The following FSTL5 variants were observed in gnomAD, a reference collection of about 807,000 sequenced individuals.
FSTL5 encodes follistatin like 5, also known as follistatin-related protein 5.
In FSTL5, 62 loss-of-function variants were observed where a neutral mutation model predicts 89.1. The observed-to-expected ratio is 0.70, with a 90% CI of 0.57 to 0.86. The LOEUF is 0.86. Among genes scored for constraint, FSTL5 ranks in the 40% least tolerant of loss-of-function variants. The probability of loss-of-function intolerance (pLI) is 0.00; values close to 1 mark genes in which losing one functional copy is unlikely to be tolerated. For synonymous variants in FSTL5, 383 were observed against 346.2 expected (o/e 1.11, Z -1.18); for missense variants, 1,057 against 1,001.6 (o/e 1.06, Z -0.75).
intron 3 of FSTL5, among the ~76,000 whole-genome samples, chr4:161,984,875 A>G (rs1279689840): frequency 2.0e-5 from 3 of 152,120 alleles, no homozygotes; most frequent in Non-Finnish European, 4.4e-5. Flanking sequence ...CCTAGTCAGA[A>G]CCACTAAATC....
In FSTL5 at chr4:161,542,561, G is replaced by T; in HGVS notation, c.1148C>A (p.Pro383Gln). Residue 383 changes from proline (P) to glutamine (Q), a missense_variant, in exon 9 of 16, where the codon CCA becomes CAA. By Grantham distance (76) the Pro-to-Gln change is moderately conservative. Transcript: ENST00000306100. Reference sequence around the variant, plus strand: ...AAGCGTGAGTTGTTTGGAAAGCTTTGGTGTAATATCAATTCCATTCTTCAA... The same window carrying T: ...AAGCGTGAGTTGTTTGGAAAGCTTTTGTGTAATATCAATTCCATTCTTCAA... The part of the protein sequence containing the change: ...GWLKNGIDIT[P>Q]KLSKQLTLQA... The T allele has an allele frequency of 1.9e-6, 3 of 1,539,890 alleles. No individual in the cohort carries two copies. The highest frequency in any genetic ancestry group is 2.6e-6 in the Non-Finnish European group (3 of 1,139,580).
chr4:162,036,058 T>TG (rs1485384732), intron 2 of FSTL5, among the ~76,000 whole-genome samples: 8 of 150,550 alleles, frequency 5.3e-5, no homozygotes, highest in African/African-American at 2.0e-4. Flanking sequence ...AGCACTAGTG[T>TG]CCTAGGCATT....
chr4:162,031,247 T>C (rs1329466134), intron 3 of FSTL5, among the ~76,000 whole-genome samples: 1 of 152,152 alleles, frequency 6.6e-6, no homozygotes, highest in African/African-American at 2.4e-5. Context: ...ATAAGACTTC[T>C]AGACATACTC....
intron 7 of FSTL5, among the ~76,000 whole-genome samples, chr4:161,603,881 T>C (rs76433850): frequency 0.077 from 11,764 of 152,114 alleles, 798 homozygotes; most frequent in East Asian, 0.31. Context: ...CAACGTCAGT[T>C]CCCCAGTACA....
chr4:162,041,551 A>G (rs1248789743), intron 2 of FSTL5, among the ~76,000 whole-genome samples: 14 of 152,156 alleles, frequency 9.2e-5, no homozygotes, highest in Non-Finnish European at 1.9e-4. Context: ...CTTCTCCTTC[A>G]GTTTAATATT....
At chr4:161,522,768 T>C (rs1443312751) in intron 10 of FSTL5, among the ~76,000 whole-genome samples, 3 of 151,696 alleles carry the variant, frequency 2.0e-5, no homozygotes, top group Non-Finnish European at 4.4e-5. Flanking sequence ...AACAGTCAAA[T>C]AGTCGATTGC....
chr4:161,551,977 T>C (rs562537186), intron 8 of FSTL5, among the ~76,000 whole-genome samples: 1 of 151,916 alleles, frequency 6.6e-6, no homozygotes. Context: ...AAAGACAAAA[T>C]TGACAAATGG....
At chr4:162,003,208 C>A (rs1736517086) in intron 3 of FSTL5, among the ~76,000 whole-genome samples, 1 of 152,100 alleles carries the variant, frequency 6.6e-6, no homozygotes, top group African/African-American at 2.4e-5. Flanking sequence ...TCATACCTAT[C>A]ATAGTTTCTG....
At chr4:161,403,730 C>T (rs1326046413) in intron 15 of FSTL5, among the ~76,000 whole-genome samples, 1 of 152,172 alleles carries the variant, frequency 6.6e-6, no homozygotes, top group Non-Finnish European at 1.5e-5. Context: ...AAGCACATCA[C>T]TACTCATTCC....
chr4:161,387,779 A>G (rs1462445914), intron 15 of FSTL5: 1 of 152,052 alleles, frequency 6.6e-6, no homozygotes, highest in Non-Finnish European at 1.5e-5. Flanking sequence ...AATTGTTTCC[A>G]TTCTTCTTAC....
intron 1 of FSTL5, among the ~76,000 whole-genome samples, chr4:162,122,067 G>A (rs1731887835): frequency 6.6e-6 from 1 of 151,976 alleles, no homozygotes; most frequent in Admixed American, 6.6e-5. Flanking sequence ...TCAGTAGTAG[G>A]CTATTAATAG....
intron 2 of FSTL5, among the ~76,000 whole-genome samples, chr4:162,089,970 G>T: frequency 6.6e-6 from 1 of 152,020 alleles, no homozygotes; most frequent in East Asian, 1.9e-4. Context: ...CTTCAATAAA[G>T]CTGACAAAAA....
intron 12 of FSTL5, among the ~76,000 whole-genome samples, chr4:161,494,306 T>C (rs1481304074): frequency 2.6e-5 from 4 of 152,168 alleles, no homozygotes; most frequent in African/African-American, 9.6e-5. Context: ...AGTGGTGTTG[T>C]ATTCAAAAGG....
intron 7 of FSTL5, among the ~76,000 whole-genome samples, chr4:161,628,560 T>A (rs1045235587): frequency 2.0e-5 from 3 of 152,272 alleles, no homozygotes; most frequent in South Asian, 4.1e-4. Context: ...CAAGGATGAA[T>A]GATAGTCATA....
At position 161,543,200 on chromosome 4, in the gene FSTL5, AT is replaced by A. The variant is rs911425601; in HGVS notation, c.1016-508del. On this transcript the variant is annotated intron_variant, in intron 8 of 15. Coordinates refer to ENST00000306100, the MANE Select transcript of FSTL5 (RefSeq NM_020116.5). ...TTACAATAGTATCAAAAAATAAAAT[AT>A]TTAGGAATAAAGTTCACCAAAGACA... 9.2e-5 allele frequency among the ~76,000 whole-genome samples: 14 copies of A among 152,082 alleles called. 1 individual carries two copies. The highest frequency in any genetic ancestry group is 7.9e-4 in the Admixed American group (12 of 15,232).
In FSTL5 at chr4:161,752,297, T is replaced by C. The variant is rs576377323; in HGVS notation, c.727+7114A>G. ...GATGGAATGTTTCCAGCACCATAGATGACCTGATGTTTCCATCCCATTCCT... is the reference window on the plus strand; with the variant it reads ...GATGGAATGTTTCCAGCACCATAGACGACCTGATGTTTCCATCCCATTCCT... On this transcript the variant is annotated intron_variant, in intron 6 of 15. Coordinates refer to ENST00000306100, the MANE Select transcript of FSTL5 (RefSeq NM_020116.5). Among the ~76,000 whole-genome samples, 27 of 152,208 alleles carry C rather than the reference T, an allele frequency of 1.8e-4. 1 individual carries two copies. The South Asian group carries it at 5.6e-3, about 32-fold the overall frequency.
intron 10 of FSTL5, among the ~76,000 whole-genome samples, chr4:161,520,019 A>T (rs1041679084): frequency 6.6e-6 from 1 of 152,126 alleles, no homozygotes; most frequent in African/African-American, 2.4e-5. Context: ...CATACACATA[A>T]AGTTAAATTA....
At chr4:161,468,599 C>T (rs1033406385) in intron 13 of FSTL5, among the ~76,000 whole-genome samples, 1 of 152,034 alleles carries the variant, frequency 6.6e-6, no homozygotes, top group Non-Finnish European at 1.5e-5. Flanking sequence ...TTTAGATTAA[C>T]AAGATTATTG....
chr4:162,052,063 A>T (rs1433923625), intron 2 of FSTL5, among the ~76,000 whole-genome samples: 2 of 151,724 alleles, frequency 1.3e-5, no homozygotes, highest in African/African-American at 4.8e-5. Context: ...AATTAAAAAA[A>T]TAAAAGTAGA....
Sources: gnomAD v4.1 joint callset for allele counts (sites outside exome capture counted in the v4.1 genomes callset) on GRCh38, gnomAD v4.1.1 for gene constraint, MANE v1.5 for transcripts, NCBI Gene and HGNC (gene_info 2026-07-23, HGNC 2026-07-21) for gene names.